SEM1: variants seen among roughly 807,000 people sequenced by gnomAD.
SEM1 encodes the protein 26S proteasome complex subunit SEM1.
Under a neutral mutation model 12.7 loss-of-function variants are expected in SEM1, and 3 were observed. The ratio of observed to expected loss-of-function variants is 0.24; its 90% confidence interval spans 0.11 to 0.61. SEM1 has a LOEUF of 0.61. Ranked by LOEUF, SEM1 falls within the 20% of genes least tolerant of loss-of-function variation. The pLI is 0.88. For missense variants in SEM1, 59 were observed against 81.3 expected (o/e 0.73, Z 1.06); for synonymous variants, 30 against 27.8 (o/e 1.08, Z -0.25).
intron 2 of SEM1, among the ~76,000 whole-genome samples, chr7:96,588,397 CGAGA>C (rs138208602): frequency 9.7e-5 from 7 of 72,218 alleles, no homozygotes; most frequent in African/African-American, 2.8e-4. Flanking sequence ...CACACACACA[CGAGA>C]GAGAGAGAGA....
chr7:96,517,395 C>A (rs993654081), intron 2 of SEM1, among the ~76,000 whole-genome samples: 3 of 152,098 alleles, frequency 2.0e-5, no homozygotes, highest in African/African-American at 7.2e-5. Context: ...TAAAAGACAA[C>A]TTTAAAAAAT....
chr7:96,654,896 A>G (rs1462512940), intron 2 of SEM1, among the ~76,000 whole-genome samples: 1 of 152,092 alleles, frequency 6.6e-6, no homozygotes, highest in East Asian at 1.9e-4. Flanking sequence ...TCACAGGTGT[A>G]TGATGTCGCA....
chr7:96,601,783 G>A (rs1040391642), intron 2 of SEM1, among the ~76,000 whole-genome samples: 2 of 151,440 alleles, frequency 1.3e-5, no homozygotes, highest in East Asian at 1.9e-4. Context: ...AAAGAGATAA[G>A]GATAGACTCA....
At chr7:96,624,194 GAAGA>G (rs1807984824) in intron 2 of SEM1, among the ~76,000 whole-genome samples, 1 of 152,078 alleles carries the variant, frequency 6.6e-6, no homozygotes, top group Non-Finnish European at 1.5e-5. Context: ...TGACATATAA[GAAGA>G]TCTAAAATTT....
chr7:96,600,037 C>T (rs1025455884), intron 2 of SEM1, among the ~76,000 whole-genome samples: 2 of 152,168 alleles, frequency 1.3e-5, no homozygotes, highest in Non-Finnish European at 2.9e-5. Context: ...AGCAACCAAA[C>T]CTTTTGGGGT....
intron 2 of SEM1, among the ~76,000 whole-genome samples, chr7:96,636,596 G>A (rs1426631383): frequency 6.6e-6 from 1 of 152,098 alleles, no homozygotes; most frequent in Non-Finnish European, 1.5e-5. Context: ...TCTAAAGTGT[G>A]TGTGTCTGCA....
chr7:96,644,779 G>C (rs1221317039), intron 2 of SEM1, among the ~76,000 whole-genome samples: 2 of 152,070 alleles, frequency 1.3e-5, no homozygotes, highest in African/African-American at 4.8e-5. Flanking sequence ...CTTAATGCTA[G>C]GTTTCTATTA....
chr7:96,696,847 G>A (rs1442199696), intron 1 of SEM1: 2 of 151,920 alleles, frequency 1.3e-5, no homozygotes, highest in African/African-American at 4.8e-5. Flanking sequence ...TAATCTCTGG[G>A]TTTAGCTGAC....
At chr7:96,654,113 G>C (rs1474107005) in intron 2 of SEM1, among the ~76,000 whole-genome samples, 1 of 152,158 alleles carries the variant, frequency 6.6e-6, no homozygotes. Flanking sequence ...TTGTAATGGA[G>C]GGCACATTCA....
intron 2 of SEM1, among the ~76,000 whole-genome samples, chr7:96,520,924 G>A (rs957296893): frequency 6.6e-6 from 1 of 151,976 alleles, no homozygotes; most frequent in African/African-American, 2.4e-5. Flanking sequence ...CTCCTCCATG[G>A]CTGATTGTCC....
chr7:96,592,999 T>TTTA (rs60512379), intron 2 of SEM1, among the ~76,000 whole-genome samples: 2 of 128,062 alleles, frequency 1.6e-5, no homozygotes, highest in African/African-American at 6.0e-5. Flanking sequence ...TCTCCCATAT[T>TTTA]AAAAAAAAAA....
intron 2 of SEM1, among the ~76,000 whole-genome samples, chr7:96,615,169 G>T (rs932000130): frequency 1.3e-5 from 2 of 150,900 alleles, no homozygotes; most frequent in African/African-American, 4.9e-5. Context: ...TTTCACAAGG[G>T]ATTTGATTGC....
intron 2 of SEM1, among the ~76,000 whole-genome samples, chr7:96,515,754 T>C (rs1047181235): frequency 1.3e-5 from 2 of 152,158 alleles, no homozygotes; most frequent in Non-Finnish European, 2.9e-5. Flanking sequence ...GAAACCATCA[T>C]TGTAAGCAAA....
At chr7:96,553,618 T>C (rs1465892396) in intron 2 of SEM1, among the ~76,000 whole-genome samples, 1 of 152,204 alleles carries the variant, frequency 6.6e-6, no homozygotes, top group Non-Finnish European at 1.5e-5. Context: ...TAGTTTGAAG[T>C]CGGGTAGTGT....
chr7:96,496,833 G>A (rs1247335907), upstream of SEM1, among the ~76,000 whole-genome samples: 1 of 151,964 alleles, frequency 6.6e-6, no homozygotes, highest in Non-Finnish European at 1.5e-5. Context: ...TTTTTTTAAA[G>A]TCTGAATTCC....
chr7:96,553,957 A>G lies in SEM1; in HGVS notation c.171-47259T>C, dbSNP rs1484324479. 2.0e-5 allele frequency among the ~76,000 whole-genome samples: 3 copies of G among 151,766 alleles called. No homozygotes were observed. In the East Asian group the frequency reaches 5.8e-4, roughly 29 times the overall value. On this transcript the variant is annotated intron_variant and NMD_transcript_variant, in intron 2 of 3. Coordinates refer to the SEM1 transcript ENST00000466986. ...TAGGTATTTTATTCTCTTTGAAGCA[A>G]TTGTGAATGGGAGTTCACTCATGAT...
intron 2 of SEM1, among the ~76,000 whole-genome samples, chr7:96,529,882 T>G (rs1804589316): frequency 6.6e-6 from 1 of 152,148 alleles, no homozygotes; most frequent in Non-Finnish European, 1.5e-5. Context: ...GCGGTACTAA[T>G]GCATTCTGAA....
At chr7:96,535,041 A>G (rs547899953) in intron 2 of SEM1, among the ~76,000 whole-genome samples, 48 of 152,098 alleles carry the variant, frequency 3.2e-4, no homozygotes, top group African/African-American at 1.1e-3. Context: ...GTTCTATTTC[A>G]TGCCATGGTT....
Position 96,589,094 on chromosome 7 carries a change from C to T in SEM1, c.171-82396G>A, listed in dbSNP as rs576944842. Among the ~76,000 whole-genome samples the T allele has an allele frequency of 9.8e-5, 15 of 152,286 alleles. No homozygotes were observed. In the East Asian group the frequency reaches 2.3e-3, roughly 24 times the overall value. On this transcript the variant is annotated intron_variant and NMD_transcript_variant, in intron 2 of 3. Coordinates refer to the SEM1 transcript ENST00000466986. ...GCTATTGCCTGCCTGAAGGCTGCAC[C>T]CAGGTGTGGGAACCGCACTGCTTAG... is the stretch of plus-strand genomic sequence containing the variant.
Sources: gnomAD v4.1 joint callset for allele counts (sites outside exome capture counted in the v4.1 genomes callset) on GRCh38, gnomAD v4.1.1 for gene constraint, MANE v1.5 for transcripts, NCBI Gene and HGNC (gene_info 2026-07-23, HGNC 2026-07-21) for gene names.